The following NUP155 variants were observed in gnomAD, a reference collection of about 807,000 sequenced individuals.
NUP155 encodes nucleoporin 155, also known as nuclear pore complex protein Nup155.
A neutral mutation model predicts 180.4 loss-of-function variants in NUP155; 71 were observed. That is an observed-to-expected ratio of 0.39 (90% CI 0.33 to 0.48). The LOEUF (loss-of-function observed/expected upper bound fraction) is 0.48. Ranked by LOEUF, NUP155 falls within the 20% of genes least tolerant of loss-of-function variation. The pLI is 0.91. For synonymous variants in NUP155, 582 were observed against 559.5 expected (o/e 1.04, Z -0.57); for missense variants, 1,553 against 1,648.9 (o/e 0.94, Z 1.01).
At chr5:37,323,352 A>C (rs1023798693) in intron 20 of NUP155, among the ~76,000 whole-genome samples, 3 of 152,202 alleles carry the variant, frequency 2.0e-5, no homozygotes, top group African/African-American at 7.2e-5. Flanking sequence ...CAAAAAGCTG[A>C]AACAACCCAA....
Position 37,289,347 on chromosome 5 carries a change from A to G in NUP155, c.*2553T>C, listed in dbSNP as rs1182168761. The G allele has an allele frequency of 6.6e-6, 1 of 152,338 alleles. No homozygotes were observed. The highest frequency in any genetic ancestry group is 1.5e-5 in the Non-Finnish European group (1 of 68,112). 9.4% of individuals were successfully genotyped at this position (152,338 alleles called of 1,614,324 possible). A position where few individuals can be genotyped will look rare whatever the true frequency, so the allele number is the denominator to read the frequency against. ...AAAGTAATGCGTTGAACAAACACCAAGTACAAAGTATACTAATACAGTGGA... is the reference window on the plus strand; with the variant it reads ...AAAGTAATGCGTTGAACAAACACCAGGTACAAAGTATACTAATACAGTGGA... On this transcript the variant is annotated 3_prime_UTR_variant, in exon 35 of 35. Coordinates refer to ENST00000231498, the MANE Select transcript of NUP155 (RefSeq NM_153485.3).
rs1419896401 is a variant in NUP155, at chr5:37,302,876, T to G, written c.3350A>C (p.Tyr1117Ser). 3.7e-6 allele frequency: 6 copies of G among 1,613,980 alleles called. No homozygotes were observed. Among genetic ancestry groups the G allele is most frequent in the Middle Eastern group, 1.6e-4 (1 of 6,082 alleles). The change falls in exon 29 of 35, where the codon TAC (tyrosine) becomes TCC (serine). Residue 1117 changes from tyrosine (Y) to serine (S), a missense_variant. By Grantham distance (144) the Tyr-to-Ser change is moderately radical. Transcript: ENST00000231498. ...TEISLQQRLE[Y>S]IARAILSAKS... is the part of the protein sequence containing the mutation. ...GGCACTAAGAATGGCTCGAGCAATG[T>G]ACTCTAGTCGCTGCTGAAGTGAAAT...
At chr5:37,355,726 C>G (rs1401861845) in intron 4 of NUP155, among the ~76,000 whole-genome samples, 2 of 151,580 alleles carry the variant, frequency 1.3e-5, no homozygotes, top group African/African-American at 4.8e-5. Flanking sequence ...CTACAGGCGA[C>G]CACCACCAAG....
chr5:37,322,289 C>T (rs1187507264), intron 20 of NUP155, among the ~76,000 whole-genome samples: 1 of 152,176 alleles, frequency 6.6e-6, no homozygotes, highest in Non-Finnish European at 1.5e-5. Context: ...GCCTGGCCTA[C>T]ATATGCTTTA....
chr5:37,307,929 A>G (rs1394152318), intron 24 of NUP155, among the ~76,000 whole-genome samples: 5 of 71,140 alleles, frequency 7.0e-5, no homozygotes, highest in Non-Finnish European at 1.4e-4. Flanking sequence ...CTCACAAAAA[A>G]AAAAAGAAAA....
intron 23 of NUP155, 54 bp from the exon 24 acceptor site, chr5:37,309,321 G>A: frequency 6.9e-7 from 1 of 1,448,724 alleles, no homozygotes; most frequent in East Asian, 2.4e-5. Flanking sequence ...GCAGACAGAT[G>A]ATGCTGTCAA....
chr5:37,356,708 T>C (rs1447900203), intron 4 of NUP155, among the ~76,000 whole-genome samples: 1 of 151,532 alleles, frequency 6.6e-6, no homozygotes, highest in Non-Finnish European at 1.5e-5. Flanking sequence ...TCCTTCTCAG[T>C]AACCCTGATA....
At chr5:37,329,852 T>C (rs1744840983) in intron 15 of NUP155, among the ~76,000 whole-genome samples, 186 bp downstream of exon 15, 1 of 152,208 alleles carries the variant, frequency 6.6e-6, no homozygotes, top group South Asian at 2.1e-4. Flanking sequence ...GCATAAACTA[T>C]GCTAATTTAC....
At chr5:37,325,787 A>T (rs1037220814) in intron 19 of NUP155, 114 bp downstream of exon 19, 24 of 703,794 alleles carry the variant, frequency 3.4e-5, no homozygotes, top group East Asian at 8.1e-5. Flanking sequence ...AAAAAAAAAA[A>T]AAAATAACCT....
chr5:37,356,691 T>C (rs1746850771), intron 4 of NUP155, among the ~76,000 whole-genome samples: 1 of 151,942 alleles, frequency 6.6e-6, no homozygotes. Context: ...TTTAAATCAA[T>C]CAATTCTCCT....
chr5:37,329,326 C>T (rs1217890983), intron 15 of NUP155, 48 bp from the exon 16 acceptor site: 1 of 1,466,878 alleles, frequency 6.8e-7, no homozygotes, highest in South Asian at 1.1e-5. Context: ...ACAAACCATC[C>T]ATCTTAAAAA....
intron 9 of NUP155, among the ~76,000 whole-genome samples, chr5:37,344,705 C>G (rs769901798): frequency 6.6e-6 from 1 of 151,676 alleles, no homozygotes; most frequent in African/African-American, 2.4e-5. Context: ...AACCCCGTCT[C>G]TACTAAAAAT....
At chr5:37,359,905 G>A (rs200667440) in intron 3 of NUP155, among the ~76,000 whole-genome samples, 1 of 152,098 alleles carries the variant, frequency 6.6e-6, no homozygotes, top group East Asian at 1.9e-4. Flanking sequence ...ATCACTTGAG[G>A]CCATGAGTTC....
chr5:37,347,091 G>A (rs576243396), intron 9 of NUP155, among the ~76,000 whole-genome samples: 2 of 152,214 alleles, frequency 1.3e-5, no homozygotes, highest in African/African-American at 4.8e-5. Context: ...CGCCAGGTGT[G>A]GTGGCATGTG....
chr5:37,362,414 G>A (rs563167384), intron 3 of NUP155, among the ~76,000 whole-genome samples: 3 of 151,628 alleles, frequency 2.0e-5, no homozygotes, highest in East Asian at 1.9e-4. Flanking sequence ...TCAGCCTCCC[G>A]AGTAGCTGCG....
chr5:37,332,446 C>T (rs1363681219), intron 13 of NUP155, among the ~76,000 whole-genome samples: 17 of 151,352 alleles, frequency 1.1e-4, no homozygotes, highest in African/African-American at 3.9e-4. Flanking sequence ...CTCAGCCTCC[C>T]GAGTAGCTGT....
At chr5:37,362,852 C>T (rs1244383005) in intron 3 of NUP155, among the ~76,000 whole-genome samples, 6 of 152,076 alleles carry the variant, frequency 3.9e-5, no homozygotes, top group South Asian at 4.1e-4. Context: ...AAAATGGTTT[C>T]GTTTAAGCTA....
At chr5:37,310,014 TA>T (rs35386254) in intron 23 of NUP155, among the ~76,000 whole-genome samples, 9 of 150,254 alleles carry the variant, frequency 6.0e-5, no homozygotes, top group Non-Finnish European at 1.3e-4. Flanking sequence ...TACTCAGTCT[TA>T]AAAAAAAAGA....
chr5:37,316,006 A>C (rs548034015), intron 21 of NUP155, among the ~76,000 whole-genome samples: 84 of 152,310 alleles, frequency 5.5e-4, no homozygotes, highest in African/African-American at 1.9e-3. Flanking sequence ...ATGGCAGTTC[A>C]TCAAAAAAAT....
Sources: gnomAD v4.1 joint callset for allele counts (sites outside exome capture counted in the v4.1 genomes callset) on GRCh38, gnomAD v4.1.1 for gene constraint, MANE v1.5 for transcripts, NCBI Gene and HGNC (gene_info 2026-07-23, HGNC 2026-07-21) for gene names.